Variants in NLRC3 observed in about 807,000 individuals in gnomAD.
The protein encoded by NLRC3 is NLR family CARD domain-containing protein 3.
Under a neutral mutation model 91.6 loss-of-function variants are expected in NLRC3, and 87 were observed. The observed-to-expected ratio is 0.95, with a 90% CI of 0.80 to 1.14. The LOEUF is 1.14. Among genes scored for constraint, NLRC3 ranks in the 50% most tolerant of loss-of-function variants. The pLI is 0.00. For synonymous variants in NLRC3, 694 were observed against 625.3 expected, an observed-to-expected ratio of 1.11 and a Z score of -1.64; for missense variants, 1,577 against 1,418.6, an observed-to-expected ratio of 1.11 and a Z score of -1.79.
chr16:3,547,666 G>A (rs145191445), intron 15 of NLRC3, among the ~76,000 whole-genome samples: 1 of 151,808 alleles, frequency 6.6e-6, no homozygotes, highest in Non-Finnish European at 1.5e-5. Flanking sequence ...GTATATATAT[G>A]TGTGTATATA....
Position 3,565,075 on chromosome 16 carries a change from C to T in NLRC3, c.-24-15G>A. 1 of 1,585,508 alleles carries T rather than the reference C, an allele frequency of 6.3e-7. No homozygotes were observed. The highest frequency in any genetic ancestry group is 1.1e-5 in the South Asian group (1 of 89,842). ...ACCTCCAGGAGCTGTGAAGAGAGGG[C>T]CTGAACCTGCTGCCTGCCGTGCCCC... On this transcript the variant is annotated splice_polypyrimidine_tract_variant and intron_variant, in intron 3 of 19. Transcript: ENST00000359128.
intron 15 of NLRC3, chr16:3,544,591 G>C (rs2038593355): frequency 2.3e-6 from 1 of 437,580 alleles, no homozygotes; most frequent in African/African-American, 2.0e-5. Context: ...CTGTCAGCAG[G>C]GGCTTGGGAC....
chr16:3,542,880 TC>T lies in NLRC3; in HGVS notation c.2940-106del, dbSNP rs1008581666. ...CTGCTTGGTAGAGGAAACAAGGACT[TC>T]AGCAGTCACAGGAGGCCAGGGCTGT... On this transcript the variant is annotated intron_variant, in intron 17 of 19. Coordinates refer to ENST00000359128, the MANE Select transcript of NLRC3 (RefSeq NM_178844.4). 3 of 720,646 alleles carry T rather than the reference TC, an allele frequency of 4.2e-6. No homozygotes were observed. In the African/African-American group the frequency reaches 5.3e-5, roughly 13 times the overall value. 44.6% of individuals were successfully genotyped at this position (720,646 alleles called of 1,614,324 possible).
rs568747257 is a variant in NLRC3, at chr16:3,577,192, G to A, written c.-212C>T. The A allele has an allele frequency of 1.0e-4, 72 of 703,020 alleles. No homozygotes were observed. The highest frequency in any genetic ancestry group is 9.8e-4 in the African/African-American group (56 of 57,390). The allele number at this position is 703,020 out of a possible 1,614,324, so 43.5% of individuals were successfully genotyped here. A position where few individuals can be genotyped will look rare whatever the true frequency, so the allele number is the denominator to read the frequency against. On this transcript the variant is annotated 5_prime_UTR_variant, in exon 1 of 20. Coordinates refer to ENST00000359128, the MANE Select transcript of NLRC3 (RefSeq NM_178844.4). Reference sequence around the variant, plus strand: ...GCTCCAGGGACAGCAAGACTGGGGGGCCTGGGGGCGTCCATCTCCATGCTC... The same window carrying A: ...GCTCCAGGGACAGCAAGACTGGGGGACCTGGGGGCGTCCATCTCCATGCTC...
chr16:3,551,981 T>TCACCCATCCATC lies in NLRC3; in HGVS notation c.2351+214_2351+215insGATGGATGGGTG, dbSNP rs57728849. On this transcript the variant is annotated intron_variant, in intron 10 of 19. Coordinates refer to ENST00000359128, the MANE Select transcript of NLRC3 (RefSeq NM_178844.4). Reference sequence around the variant, plus strand: ...TCCACTCATCAGTGTATCCCTTCATTCATCCATCCATCCATCCATCCATCC... The same window carrying TCACCCATCCATC: ...TCCACTCATCAGTGTATCCCTTCATTCACCCATCCATCCATCCATCCATCCATCCATCCATCC... 1.4e-3 allele frequency among the ~76,000 whole-genome samples: 206 copies of TCACCCATCCATC among 147,462 alleles called. 2 individuals carry two copies. The highest frequency in any genetic ancestry group is 0.012 in the East Asian group (57 of 4,934).
In NLRC3 at chr16:3,543,481, T is replaced by G; in HGVS notation, c.2883A>C (p.Ser961=). ...AGGCTTCCCCTAGCACCTGGGCGCC[T>G]GAAGCACCAATTGAGGCCACCTGGA... is the stretch of plus-strand genomic sequence containing the variant. ...LYLQVASIGA[S]GAQVLGEALA... Residue 961 remains serine, a synonymous_variant, in exon 17 of 20, where the codon TCA becomes TCC. Transcript: ENST00000359128. The G allele has an allele frequency of 6.2e-7, 1 of 1,613,076 alleles. No homozygotes were observed. The highest frequency in any genetic ancestry group is 1.3e-5 in the African/African-American group (1 of 75,046).
intron 9 of NLRC3, among the ~76,000 whole-genome samples, chr16:3,552,807 G>A (rs936188231): frequency 2.6e-5 from 4 of 152,210 alleles, no homozygotes; most frequent in African/African-American, 9.7e-5. Flanking sequence ...GGGCGTGGTG[G>A]CATACACCTG....
In NLRC3 at chr16:3,548,724, C is replaced by G; in HGVS notation, c.2633G>C (p.Gly878Ala). ...CACTGCCACTGCGATGGCCCGGGCA[C>G]CCTGGTCGTGGAGGAGGTTGGCTGT... is the stretch of plus-strand genomic sequence containing the variant. Reference protein sequence around the residue: ...DLTANLLHDQGARAIAVAVRE... With the variant: ...DLTANLLHDQAARAIAVAVRE... Residue 878 changes from glycine (G) to alanine (A), a missense_variant, in exon 14 of 20, where the codon GGT (glycine) becomes GCT (alanine). Gly to Ala is a moderately conservative substitution (Grantham distance 60, BLOSUM62 0). Transcript: ENST00000359128. The G allele has an allele frequency of 6.2e-7, 1 of 1,604,852 alleles. No individual in the cohort carries two copies.
chr16:3,576,890 A>AC (rs1163541019), intron 1 of NLRC3, among the ~76,000 whole-genome samples: 1 of 152,076 alleles, frequency 6.6e-6, no homozygotes, highest in African/African-American at 2.4e-5. Flanking sequence ...GGCTAGTCTC[A>AC]AAGTCCTGAC....
rs758552872 is a variant in NLRC3 at position 3,577,340 on chromosome 16, C to T, written c.-360G>A. ...GCCAACCAACCAACCGTGTGGGGGCCGAGAGCAGTGCAGCCCCGACCTTCT... is the reference window on the plus strand; with the variant it reads ...GCCAACCAACCAACCGTGTGGGGGCTGAGAGCAGTGCAGCCCCGACCTTCT... On this transcript the variant is annotated 5_prime_UTR_variant, in exon 1 of 20. Coordinates refer to ENST00000359128, the MANE Select transcript of NLRC3 (RefSeq NM_178844.4). 2.0e-5 allele frequency: 13 copies of T among 639,202 alleles called. 1 individual carries two copies. The highest frequency in any genetic ancestry group is 5.4e-5 in the East Asian group (2 of 36,718). 39.6% of individuals were successfully genotyped at this position (639,202 alleles called of 1,614,324 possible). A position where few individuals can be genotyped will look rare whatever the true frequency, so the allele number is the denominator to read the frequency against.
chr16:3,577,304 G>C lies in NLRC3; in HGVS notation c.-324C>G, dbSNP rs1200497805. The C allele has an allele frequency of 3.0e-6, 2 of 665,500 alleles. No individual in the cohort carries two copies. The highest frequency in any genetic ancestry group is 5.5e-6 in the Non-Finnish European group (2 of 365,226). 41.2% of individuals were successfully genotyped at this position (665,500 alleles called of 1,614,324 possible). A position where few individuals can be genotyped will look rare whatever the true frequency, so the allele number is the denominator to read the frequency against. On this transcript the variant is annotated 5_prime_UTR_variant, in exon 1 of 20. Transcript: ENST00000359128. The stretch of plus-strand genomic sequence containing the variant: ...TGAGTTCTCAGGACCAGGGATCAGG[G>C]CACTTACCACGCCAACCAACCAACC...
intron 1 of NLRC3, among the ~76,000 whole-genome samples, chr16:3,569,595 A>C (rs1443999005): frequency 6.6e-6 from 1 of 151,308 alleles, no homozygotes. Context: ...ATGGGGTTTC[A>C]CCATGTTGAC....
rs116004363 is a variant in NLRC3, at chr16:3,559,204, G to C, written c.2016-1528C>G. 4.4e-3 allele frequency among the ~76,000 whole-genome samples: 665 copies of C among 152,278 alleles called. 7 individuals are homozygous for C. Among genetic ancestry groups the C allele is most frequent in the African/African-American group, 0.015 (613 of 41,540 alleles). ...TCTGTATAAATGTTCTCAAATTCTAGAGTGCTTCCATCCCTCTGGGACTTT... is the reference window on the plus strand; with the variant it reads ...TCTGTATAAATGTTCTCAAATTCTACAGTGCTTCCATCCCTCTGGGACTTT... On this transcript the variant is annotated intron_variant, in intron 6 of 19. Coordinates refer to ENST00000359128, the MANE Select transcript of NLRC3 (RefSeq NM_178844.4).
Position 3,548,123 on chromosome 16 carries a change from A to C in NLRC3, c.2771+12T>G. ...AGCCCCCGCCCTGCAGCCCCTGGGC[A>C]GGCCAACTTACTCTAAGCTGGTGAG... On this transcript the variant is annotated intron_variant, in intron 15 of 19. Coordinates refer to ENST00000359128, the MANE Select transcript of NLRC3 (RefSeq NM_178844.4). 1 of 1,562,044 alleles carries C rather than the reference A, an allele frequency of 6.4e-7. No individual in the cohort carries two copies. The highest frequency in any genetic ancestry group is 8.7e-7 in the Non-Finnish European group (1 of 1,149,838).
At chr16:3,544,376 A>G (rs765124250) in intron 15 of NLRC3, 47 bp from the exon 16 acceptor site, 1 of 1,375,936 alleles carries the variant, frequency 7.3e-7, no homozygotes. Context: ...CACAGGGAGC[A>G]TTCTAGCAAG....
rs763667960 is a variant in NLRC3, at chr16:3,565,376, G to A, written c.-82C>T. 1 of 501,034 alleles carries A rather than the reference G, an allele frequency of 2.0e-6. No individual in the cohort carries two copies. Among genetic ancestry groups the A allele is most frequent in the South Asian group, 1.6e-5 (1 of 64,422 alleles). The allele number at this position is 501,034 out of a possible 1,614,324, so 31.0% of individuals were successfully genotyped here. On this transcript the variant is annotated 5_prime_UTR_variant, in exon 3 of 20. Coordinates refer to ENST00000359128, the MANE Select transcript of NLRC3 (RefSeq NM_178844.4). The stretch of plus-strand genomic sequence containing the variant: ...TCTCTGCGCCTTGGTGTCTTCATTT[G>A]TGACCTGGAAATGATGATGAGGTTA...
At chr16:3,575,852 A>G (rs1007538789) in intron 1 of NLRC3, among the ~76,000 whole-genome samples, 1 of 152,088 alleles carries the variant, frequency 6.6e-6, no homozygotes, top group Admixed American at 6.5e-5. Flanking sequence ...GGCTGCCAGT[A>G]TCTCCCACCA....
rs780698194 is a variant in NLRC3 at position 3,552,185 on chromosome 16, A to G, written c.2351+11T>C. On this transcript the variant is annotated intron_variant, in intron 10 of 19. Transcript: ENST00000359128. ...CTGAGGATACTAGTGTGGGCCTTTC[A>G]TATGTCTCACATGAGCTCTTTCAGA... The G allele has an allele frequency of 1.0e-5, 16 of 1,552,380 alleles. 2 individuals are homozygous for G. In the South Asian group the frequency reaches 1.6e-4, roughly 15 times the overall value.
chr16:3,568,768 T>C (rs2039980479), intron 1 of NLRC3, among the ~76,000 whole-genome samples: 1 of 152,120 alleles, frequency 6.6e-6, no homozygotes, highest in Non-Finnish European at 1.5e-5. Context: ...CATTGCCTCA[T>C]GTGTATGGGT....
Sources: gnomAD v4.1 joint callset for allele counts (sites outside exome capture counted in the v4.1 genomes callset) on GRCh38, gnomAD v4.1.1 for gene constraint, MANE v1.5 for transcripts, NCBI Gene and HGNC (gene_info 2026-07-23, HGNC 2026-07-21) for gene names.